The following NCKAP5 variants were observed in gnomAD, a reference collection of about 807,000 sequenced individuals.
NCKAP5 encodes NCK associated protein 5.
A neutral mutation model predicts 167.0 loss-of-function variants in NCKAP5; 92 were observed. The ratio of observed to expected loss-of-function variants is 0.55; its 90% CI spans 0.47 to 0.66. The LOEUF (loss-of-function observed/expected upper bound fraction) is 0.66. NCKAP5 is among the 30% of genes least tolerant of loss of function. The pLI, the probability that NCKAP5 is intolerant of heterozygous loss-of-function variation, is 0.00. For synonymous variants in NCKAP5, 891 were observed against 877.4 expected, an observed-to-expected ratio of 1.02 and a Z score of -0.27; for missense variants, 2,378 against 2,315.0, an observed-to-expected ratio of 1.03 and a Z score of -0.56.
chr2:133,323,357 C>T (rs1682199342), intron 3 of NCKAP5, among the ~76,000 whole-genome samples: 1 of 152,148 alleles, frequency 6.6e-6, no homozygotes, highest in African/African-American at 2.4e-5. Flanking sequence ...TATCATATTG[C>T]ACTTTTGCCT....
In NCKAP5 at chr2:132,933,388, C is replaced by T. The variant is rs185803889; in HGVS notation, c.579+30332G>A. ...ATTGATCTGTTCCTAGTTCCTAGCA[C>T]GGTGTCTAACATATGGGAACTGCTC... is the stretch of plus-strand genomic sequence containing the variant. On this transcript the variant is annotated intron_variant, in intron 8 of 19. Transcript: ENST00000409261. 8.5e-5 allele frequency among the ~76,000 whole-genome samples: 13 copies of T among 152,164 alleles called. No homozygotes were observed. The East Asian group carries it at 1.2e-3, about 14-fold the overall frequency.
chr2:132,705,349 T>A (rs932203494), intron 19 of NCKAP5, among the ~76,000 whole-genome samples: 1 of 152,092 alleles, frequency 6.6e-6, no homozygotes, highest in South Asian at 2.1e-4. Flanking sequence ...ATACTTACCA[T>A]CTCCAATTCC....
intron 19 of NCKAP5, among the ~76,000 whole-genome samples, chr2:132,715,690 C>G (rs1488356338): frequency 6.6e-6 from 1 of 152,172 alleles, no homozygotes; most frequent in Non-Finnish European, 1.5e-5. Flanking sequence ...GTCAGTGTCT[C>G]CCTAACACAG....
intron 16 of NCKAP5, among the ~76,000 whole-genome samples, chr2:132,749,060 T>C (rs1437242889): frequency 2.0e-5 from 3 of 152,156 alleles, no homozygotes; most frequent in Non-Finnish European, 2.9e-5. Flanking sequence ...TGAGCCATCA[T>C]GCCCAGCCGA....
At chr2:133,050,870 G>T (rs938724288) in intron 6 of NCKAP5, among the ~76,000 whole-genome samples, 2 of 152,024 alleles carry the variant, frequency 1.3e-5, no homozygotes, top group Admixed American at 1.3e-4. Context: ...ACCTTTCTTT[G>T]TCTCGATTTT....
chr2:133,570,312 GAAAT>G (rs1277665867), upstream of NCKAP5, among the ~76,000 whole-genome samples: 1 of 152,112 alleles, frequency 6.6e-6, no homozygotes, highest in African/African-American at 2.4e-5. Context: ...TTTGTTATTA[GAAAT>G]AATAATAAAA....
At chr2:133,537,535 A>G (rs888033690) in intron 2 of NCKAP5, among the ~76,000 whole-genome samples, 2 of 152,044 alleles carry the variant, frequency 1.3e-5, no homozygotes, top group African/African-American at 2.4e-5. Flanking sequence ...TTATTCCTAG[A>G]TGTTTTATTC....
At chr2:133,088,061 C>T (rs2081053365) in intron 6 of NCKAP5, among the ~76,000 whole-genome samples, 1 of 152,182 alleles carries the variant, frequency 6.6e-6, no homozygotes, top group African/African-American at 2.4e-5. Flanking sequence ...TGCCTCCTCT[C>T]TCACTATTAA....
chr2:133,334,794 T>C (rs1683104047), intron 3 of NCKAP5, among the ~76,000 whole-genome samples: 1 of 152,136 alleles, frequency 6.6e-6, no homozygotes, highest in Non-Finnish European at 1.5e-5. Context: ...TTAGCAAAAT[T>C]CCTGAATTAG....
chr2:133,647,363 G>A, the NCKAP5 span, among the ~76,000 whole-genome samples: 6 of 100,326 alleles, frequency 6.0e-5, no homozygotes, highest in Admixed American at 3.8e-4. Flanking sequence ...AAGAAAGGAA[G>A]GAAGGAAGAA....
At chr2:132,796,560 G>T in intron 12 of NCKAP5, 68 bp downstream of exon 12, 2 of 1,086,492 alleles carry the variant, frequency 1.8e-6, no homozygotes, top group Non-Finnish European at 2.8e-6. Flanking sequence ...GTTCGCTTGT[G>T]ACATCATATT....
Position 132,963,832 on chromosome 2 carries a change from G to C in NCKAP5, c.467C>G (p.Ala156Gly). ...AACCACCATGTGAAGATCTTCCAAA[G>C]CTTCCTTATGTTTTCTCTCTTCCTC... ...LSEEERKHKE[A>G]LEDLHMVVDE... Residue 156 changes from alanine to glycine, a missense_variant, in exon 8 of 20, where the codon GCT becomes GGT. Coordinates refer to ENST00000409261, the MANE Select transcript of NCKAP5 (RefSeq NM_207363.3). 1.2e-6 allele frequency: 2 copies of C among 1,613,702 alleles called. No individual in the cohort carries two copies. Among genetic ancestry groups the C allele is most frequent in the Non-Finnish European group, 1.7e-6 (2 of 1,179,792 alleles).
intron 3 of NCKAP5, among the ~76,000 whole-genome samples, chr2:133,306,142 G>A (rs1167386784): frequency 1.3e-5 from 2 of 152,222 alleles, no homozygotes; most frequent in Admixed American, 6.5e-5. Flanking sequence ...AACAATGGAG[G>A]GTGGTAGCAT....
At chr2:133,237,695 A>C (rs888312122) in intron 4 of NCKAP5, among the ~76,000 whole-genome samples, 1 of 152,232 alleles carries the variant, frequency 6.6e-6, no homozygotes, top group African/African-American at 2.4e-5. Flanking sequence ...GTTACTCAGC[A>C]GAGGCTGCTG....
intron 19 of NCKAP5, among the ~76,000 whole-genome samples, chr2:132,675,719 A>G (rs1684351882): frequency 6.6e-6 from 1 of 152,176 alleles, no homozygotes; most frequent in South Asian, 2.1e-4. Context: ...ATTGCCATTA[A>G]AACACTCACT....
chr2:133,547,017 G>A (rs1686752558), intron 2 of NCKAP5, among the ~76,000 whole-genome samples: 1 of 152,176 alleles, frequency 6.6e-6, no homozygotes. Context: ...GCCAGTGGGT[G>A]CGCGCACCGT....
At chr2:132,860,364 G>T in intron 11 of NCKAP5, 128 bp downstream of exon 11, 1 of 1,110,654 alleles carries the variant, frequency 9.0e-7, no homozygotes, top group Non-Finnish European at 1.3e-6. Context: ...CATAACTTGA[G>T]AAAGGAAAGA....
intron 3 of NCKAP5, among the ~76,000 whole-genome samples, chr2:133,306,544 T>C (rs906660048): frequency 1.3e-5 from 2 of 152,182 alleles, no homozygotes; most frequent in African/African-American, 4.8e-5. Flanking sequence ...AATGTTGAGA[T>C]GAAAAGACAG....
At position 132,673,166 on chromosome 2, in the gene NCKAP5, C is replaced by A; in HGVS notation, c.*123G>T. The A allele has an allele frequency of 7.2e-7, 1 of 1,380,678 alleles. No individual in the cohort carries two copies. The highest frequency in any genetic ancestry group is 1.8e-5 in the South Asian group (1 of 55,580). 85.5% of individuals were successfully genotyped at this position (1,380,678 alleles called of 1,614,324 possible). A position where few individuals can be genotyped will look rare whatever the true frequency, so the allele number is the denominator to read the frequency against. On this transcript the variant is annotated 3_prime_UTR_variant, in exon 20 of 20. Coordinates refer to ENST00000409261, the MANE Select transcript of NCKAP5 (RefSeq NM_207363.3). ...ATTTTTTTCTTTTTCTTCCTTCTGTCCTTCAACCTTGTTCAGAGAGTTCTT... is the reference window on the plus strand; with the variant it reads ...ATTTTTTTCTTTTTCTTCCTTCTGTACTTCAACCTTGTTCAGAGAGTTCTT...
Sources: allele counts gnomAD v4.1 joint callset (sites outside exome capture counted in the v4.1 genomes callset), GRCh38; gene constraint gnomAD v4.1.1; transcripts MANE v1.5; gene names NCBI Gene and HGNC (gene_info 2026-07-23, HGNC 2026-07-21).